Variants in ATG5 observed in about 807,000 individuals in gnomAD.
ATG5 encodes autophagy protein 5.
A neutral mutation model predicts 36.5 loss-of-function variants in ATG5; 14 were observed. That is an observed-to-expected ratio of 0.38 (90% confidence interval 0.25 to 0.60). The LOEUF (loss-of-function observed/expected upper bound fraction) is 0.60. ATG5 is among the 20% of genes least tolerant of loss of function. ATG5 has a pLI of 0.60. For synonymous variants in ATG5, 95 were observed against 101.5 expected (o/e 0.94, Z 0.38); for missense variants, 195 against 326.7 (o/e 0.60, Z 3.11).
intron 3 of ATG5, among the ~76,000 whole-genome samples, chr6:106,297,150 C>CA (rs1330974893): frequency 6.6e-6 from 1 of 152,126 alleles, no homozygotes; most frequent in African/African-American, 2.4e-5. Flanking sequence ...GTAATCTTAA[C>CA]AGCTTAGTCA....
chr6:106,218,151 G>C (rs1777109948), intron 6 of ATG5, among the ~76,000 whole-genome samples: 2 of 152,100 alleles, frequency 1.3e-5, no homozygotes, highest in Non-Finnish European at 2.9e-5. Flanking sequence ...TAGCAAAAGA[G>C]GGTATACTGT....
chr6:106,240,261 G>A (rs1477709088), intron 6 of ATG5, among the ~76,000 whole-genome samples: 3 of 150,042 alleles, frequency 2.0e-5, no homozygotes, highest in Non-Finnish European at 4.4e-5. Flanking sequence ...AAATCAAGAT[G>A]AATTATACAG....
At chr6:106,190,661 TAA>T (rs966644690) in intron 7 of ATG5, among the ~76,000 whole-genome samples, 12 of 150,292 alleles carry the variant, frequency 8.0e-5, no homozygotes, top group South Asian at 2.1e-4. Flanking sequence ...AAAGTGAACA[TAA>T]AAAAAAAGTT....
At chr6:106,250,865 T>C (rs1175507436) in intron 5 of ATG5, among the ~76,000 whole-genome samples, 1 of 152,242 alleles carries the variant, frequency 6.6e-6, no homozygotes, top group Non-Finnish European at 1.5e-5. Flanking sequence ...CCCTTCAATA[T>C]ATGCATCGCT....
intron 5 of ATG5, among the ~76,000 whole-genome samples, chr6:106,272,771 T>C (rs1376499685): frequency 6.6e-6 from 1 of 152,216 alleles, no homozygotes; most frequent in African/African-American, 2.4e-5. Context: ...GGTCCGGGCA[T>C]GATTCTCCTA....
intron 3 of ATG5, among the ~76,000 whole-genome samples, chr6:106,300,572 C>G (rs1255674393): frequency 6.6e-6 from 1 of 152,090 alleles, no homozygotes; most frequent in African/African-American, 2.4e-5. Context: ...TCAAACATCA[C>G]AGTGTACTTA....
chr6:106,229,569 C>G (rs1777593470), intron 6 of ATG5, among the ~76,000 whole-genome samples: 2 of 151,756 alleles, frequency 1.3e-5, no homozygotes, highest in African/African-American at 4.8e-5. Flanking sequence ...TAAAAAAAAA[C>G]AGTGTGCCCT....
chr6:106,204,830 A>G (rs951531116), intron 6 of ATG5, among the ~76,000 whole-genome samples: 2 of 152,212 alleles, frequency 1.3e-5, no homozygotes, highest in South Asian at 2.1e-4. Context: ...CCAGTCTCAG[A>G]TATTTCTTTA....
intron 6 of ATG5, chr6:106,202,337 C>T (rs1439909153): frequency 8.6e-6 from 3 of 346,932 alleles, no homozygotes; most frequent in Non-Finnish European, 1.6e-5. Context: ...TTGGCTGGGA[C>T]CCTTCAAAAA....
chr6:106,190,984 T>C (rs1343351248), intron 7 of ATG5, among the ~76,000 whole-genome samples: 1 of 152,192 alleles, frequency 6.6e-6, no homozygotes, highest in African/African-American at 2.4e-5. Context: ...GTTAGGCAAC[T>C]TGAATTCCAG....
chr6:106,208,143 T>C lies in ATG5; in HGVS notation c.574-6054A>G, dbSNP rs571014562. Among the ~76,000 whole-genome samples, 3 of 152,282 alleles carry C rather than the reference T, an allele frequency of 2.0e-5. No homozygotes were observed. In the East Asian group the frequency reaches 5.8e-4, roughly 29 times the overall value. ...GTTTCTGTCATTTATTATGGAACCA[T>C]GGACACAACTACCTATCTTTCCTGA... On this transcript the variant is annotated intron_variant, in intron 6 of 7. Coordinates refer to ENST00000369076, the MANE Select transcript of ATG5 (RefSeq NM_004849.4).
chr6:106,256,029 A>G (rs1316430083), intron 5 of ATG5, among the ~76,000 whole-genome samples: 19 of 152,262 alleles, frequency 1.2e-4, no homozygotes, highest in East Asian at 1.9e-4. Context: ...TTAATATGCA[A>G]TTGAGTTCAT....
chr6:106,231,154 G>A (rs1298657138), intron 6 of ATG5, among the ~76,000 whole-genome samples: 1 of 152,170 alleles, frequency 6.6e-6, no homozygotes, highest in African/African-American at 2.4e-5. Context: ...CAGCCAGAGT[G>A]CACGTACCTT....
At chr6:106,206,523 G>A (rs1012039061) in intron 6 of ATG5, among the ~76,000 whole-genome samples, 3 of 152,020 alleles carry the variant, frequency 2.0e-5, no homozygotes, top group Middle Eastern at 3.4e-3. Context: ...AGTTGTGGGC[G>A]CCTGTAATCC....
intron 6 of ATG5, among the ~76,000 whole-genome samples, chr6:106,221,711 G>GA (rs139451759): frequency 0.12 from 17,863 of 143,962 alleles, 1,325 homozygotes; most frequent in Admixed American, 0.24. Context: ...AAGAAAGAAA[G>GA]AAAAAAAAAT....
chr6:106,264,538 A>T (rs762016972), intron 5 of ATG5, among the ~76,000 whole-genome samples: 2 of 152,142 alleles, frequency 1.3e-5, no homozygotes, highest in Non-Finnish European at 2.9e-5. Context: ...ACACATAATC[A>T]TCAGATTCTC....
rs1779523998 is a variant in ATG5, at chr6:106,273,308, G to A, written c.478+6353C>T. On this transcript the variant is annotated intron_variant, in intron 5 of 7. Transcript: ENST00000369076. ...AAAAACTCTTGTTTCTGTTTTAGTA[G>A]TTTTTCTATGTTACCACAGTTATTT... Among the ~76,000 whole-genome samples the A allele has an allele frequency of 2.0e-5, 3 of 152,146 alleles. No individual in the cohort carries two copies. In the South Asian group the frequency reaches 6.2e-4, roughly 32 times the overall value.
chr6:106,299,293 G>T (rs2114645569), intron 3 of ATG5, among the ~76,000 whole-genome samples: 1 of 152,262 alleles, frequency 6.6e-6, no homozygotes, highest in African/African-American at 2.4e-5. Context: ...CAATGTAAGT[G>T]CTACGTAAAT....
chr6:106,186,557 GGAT>G lies in ATG5; in HGVS notation c.808_810del (p.Ile270del). Reference sequence around the variant, plus strand: ...TTGATCCTTCAATCTGTTGGCTGTGGGATGATACTAATATGAAGAAAATTATCC... The same window carrying G: ...TTGATCCTTCAATCTGTTGGCTGTGGGATACTAATATGAAGAAAATTATCC... On this transcript the variant is annotated inframe_deletion, in exon 8 of 8. Transcript: ENST00000369076. The G allele has an allele frequency of 6.2e-7, 1 of 1,613,628 alleles. No individual in the cohort carries two copies. The highest frequency in any genetic ancestry group is 8.5e-7 in the Non-Finnish European group (1 of 1,179,688).
Sources: gnomAD v4.1 joint callset for allele counts (sites outside exome capture counted in the v4.1 genomes callset) on GRCh38, gnomAD v4.1.1 for gene constraint, MANE v1.5 for transcripts, NCBI Gene and HGNC (gene_info 2026-07-23, HGNC 2026-07-21) for gene names.